The following JMJD6 variants were observed in gnomAD, a reference collection of about 807,000 sequenced individuals.
JMJD6 encodes the protein bifunctional arginine demethylase and lysyl-hydroxylase JMJD6.
JMJD6 carries 17 observed loss-of-function variants against 45.8 expected under a neutral mutation model. That is an observed-to-expected ratio of 0.37 (90% CI 0.25 to 0.56). JMJD6 has a LOEUF of 0.56. JMJD6 is among the 20% of genes least tolerant of loss of function. JMJD6 has a pLI of 0.79. For missense variants in JMJD6, 470 were observed against 517.5 expected (o/e 0.91, Z 0.89); for synonymous variants, 221 against 196.3 (o/e 1.13, Z -1.05).
Position 76,718,521 on chromosome 17 carries a change from G to C in JMJD6, c.*208C>G. 7.3e-7 allele frequency: 1 copy of C among 1,368,646 alleles called. No homozygotes were observed. The highest frequency in any genetic ancestry group is 9.4e-7 in the Non-Finnish European group (1 of 1,064,152). 84.8% of individuals were successfully genotyped at this position (1,368,646 alleles called of 1,614,324 possible). Reference sequence around the variant, plus strand: ...TGGCACTATTCACATTCTCTTGCCTGAGTAAAACAAGCCGCGTTTATCTGC... The same window carrying C: ...TGGCACTATTCACATTCTCTTGCCTCAGTAAAACAAGCCGCGTTTATCTGC... On this transcript the variant is annotated 3_prime_UTR_variant, in exon 6 of 6. Coordinates refer to ENST00000397625, the MANE Select transcript of JMJD6 (RefSeq NM_015167.3).
Position 76,725,501 on chromosome 17 carries a change from G to A in JMJD6, c.484C>T (p.Gln162Ter). ...GGCCTGCGCTTCTCCCCAGCATACT[G>A]GAAAAGGTCATCAGTGAAAAACTTT... ...VPKFFTDDLFQYAGEKRRPPY... is the reference protein window; with the variant it reads ...VPKFFTDDLF Residue 162 changes from glutamine (Q) to a stop codon, truncating the protein, a stop_gained, in exon 2 of 6, where the codon CAG becomes TAG. Transcript: ENST00000397625. LOFTEE classifies it high-confidence loss of function. The A allele has an allele frequency of 6.2e-7, 1 of 1,613,710 alleles. No homozygotes were observed. The highest frequency in any genetic ancestry group is 8.5e-7 in the Non-Finnish European group (1 of 1,179,952).
At position 76,724,031 on chromosome 17, in the gene JMJD6, G is replaced by A. The variant is rs748941437; in HGVS notation, c.546C>T (p.Ser182=). ...GAGGGTCGATGTGAATCCCAGTTCC[G>A]GAGCGTGGTGGCCCCATCACAAACC... ...YRWFVMGPPR[S]GTGIHIDPLG... The change falls in exon 3 of 6, where the codon TCC becomes TCT. Residue 182 remains serine, a synonymous_variant. Transcript: ENST00000397625. The A allele has an allele frequency of 8.1e-6, 13 of 1,613,962 alleles. No individual in the cohort carries two copies. Among genetic ancestry groups the A allele is most frequent in the South Asian group, 3.3e-5 (3 of 91,084 alleles).
At chr17:76,725,354 C>T (rs2076898346) in intron 2 of JMJD6, 113 bp downstream of exon 2, 2 of 1,032,940 alleles carry the variant, frequency 1.9e-6, no homozygotes, top group East Asian at 2.7e-5. Context: ...TGCTGTGAGC[C>T]GAGATCGCAC....
intron 2 of JMJD6, among the ~76,000 whole-genome samples, chr17:76,725,157 G>C (rs1288649292): frequency 3.3e-5 from 5 of 152,064 alleles, no homozygotes; most frequent in Non-Finnish European, 7.4e-5. Flanking sequence ...ACCTGCAATC[G>C]CAGCACTTTG....
rs1359640516 is a variant in JMJD6, at chr17:76,720,645, C to G, written c.942-147G>C. 9 of 702,688 alleles carry G rather than the reference C, an allele frequency of 1.3e-5. No homozygotes were observed. The South Asian group carries it at 1.5e-4, about 12-fold the overall frequency. The allele number at this position is 702,688 out of a possible 1,614,324, so 43.5% of individuals were successfully genotyped here. ...AATGGATACTGTACAATGGTGAGGACAAAACCCCAGGCTGGGAACAAGAGA... is the reference window on the plus strand; with the variant it reads ...AATGGATACTGTACAATGGTGAGGAGAAAACCCCAGGCTGGGAACAAGAGA... On this transcript the variant is annotated intron_variant, in intron 4 of 5. Coordinates refer to ENST00000397625, the MANE Select transcript of JMJD6 (RefSeq NM_015167.3).
Position 76,723,895 on chromosome 17 carries a change from G to A in JMJD6, c.682C>T (p.Gln228Ter). 6.2e-7 allele frequency: 1 copy of A among 1,614,066 alleles called. No homozygotes were observed. The highest frequency in any genetic ancestry group is 8.5e-7 in the Non-Finnish European group (1 of 1,180,020). Residue 228 changes from glutamine to a stop codon, truncating the protein, a stop_gained, in exon 3 of 6, where the codon CAG becomes TAG. Transcript: ENST00000397625. LOFTEE classifies it high-confidence loss of function. ...AACCAGGTAATAGCTTCGTCTTGCT[G>A]GTTCCCTCCTTCGTCTCGGGTCACT... The part of the protein sequence containing the change: ...IKVTRDEGGN[Q>*]QDEAITWFNV...
downstream of JMJD6, chr17:76,714,681 A>G (rs1442037223): frequency 6.6e-6 from 1 of 152,296 alleles, no homozygotes; most frequent in Admixed American, 6.5e-5. Context: ...TGTACTATCC[A>G]GACACTGTAC....
chr17:76,716,805 G>T, downstream of JMJD6: 2 of 1,390,696 alleles, frequency 1.4e-6, no homozygotes, highest in South Asian at 1.2e-5. Context: ...TTAAAAGCAG[G>T]ACCCCCGGGA....
downstream of JMJD6, chr17:76,716,595 G>A (rs918849224): frequency 7.7e-6 from 9 of 1,168,752 alleles, no homozygotes; most frequent in East Asian, 2.4e-5. Flanking sequence ...GAAGACAGAG[G>A]AGAAGGTAGG....
intron 3 of JMJD6, 127 bp from the exon 4 acceptor site, chr17:76,722,060 G>T: frequency 1.0e-6 from 1 of 998,352 alleles, no homozygotes; most frequent in Non-Finnish European, 1.5e-6. Flanking sequence ...ATACAGGGTA[G>T]TTCCTTCTGA....
At chr17:76,723,557 C>T (rs2076856025) in intron 3 of JMJD6, among the ~76,000 whole-genome samples, 2 of 151,866 alleles carry the variant, frequency 1.3e-5, no homozygotes, top group Non-Finnish European at 2.9e-5. Flanking sequence ...TCTCCTGCCT[C>T]AGCCTCCCGA....
In JMJD6 at chr17:76,725,128, G is replaced by A. The variant is rs12165027; in HGVS notation, c.518+339C>T. 1.5e-3 allele frequency among the ~76,000 whole-genome samples: 225 copies of A among 152,266 alleles called. 2 individuals are homozygous for A. The highest frequency in any genetic ancestry group is 5.2e-3 in the African/African-American group (215 of 41,546). ...GTTGTAGATAAGATTTTAACCACAG[G>A]CCGGGCGCGGTGGCTCACACCTGCA... On this transcript the variant is annotated intron_variant, in intron 2 of 5. Coordinates refer to ENST00000397625, the MANE Select transcript of JMJD6 (RefSeq NM_015167.3).
At position 76,725,628 on chromosome 17, in the gene JMJD6, C is replaced by T. The variant is rs2076908576; in HGVS notation, c.357G>A (p.Glu119=). ...SVKMKMKYYI[E]YMESTRDDSP... ...TATCATCTCGAGTGCTCTCCATGTA[C>T]TCGATGTAGTATTTCATCTTCATCT... The change falls in exon 2 of 6, where the codon GAG becomes GAA. Residue 119 remains glutamate (E), a synonymous_variant. Transcript: ENST00000397625. The T allele has an allele frequency of 1.3e-5, 21 of 1,614,030 alleles. No homozygotes were observed. Among genetic ancestry groups the T allele is most frequent in the Non-Finnish European group, 1.8e-5 (21 of 1,180,012 alleles).
In JMJD6 at chr17:76,725,790, T is replaced by A. The variant is rs959648132; in HGVS notation, c.195A>T (p.Arg65Ser). 7 of 1,613,144 alleles carry A rather than the reference T, an allele frequency of 4.3e-6. No homozygotes were observed. The African/African-American group carries it at 9.4e-5, about 22-fold the overall frequency. The change falls in exon 2 of 6, where the codon AGA becomes AGT. Residue 65 changes from arginine to serine, a missense_variant. Physicochemically the swap from Arg to Ser is moderately radical, Grantham distance 110. Around this residue, in one of 4 missense-constraint regions of JMJD6, gnomAD observed 346 missense variants for 339.5 expected, o/e 1.02. Coordinates refer to ENST00000397625, the MANE Select transcript of JMJD6 (RefSeq NM_015167.3). Reference protein sequence around the residue: ...SVEEFVERYERPYKPVVLLNA... With the variant: ...SVEEFVERYESPYKPVVLLNA... ...TCAACAAAACCACGGGCTTGTAAGGTCTTTCATACCGCTCCACAAATTCTT... is the reference window on the plus strand; with the variant it reads ...TCAACAAAACCACGGGCTTGTAAGGACTTTCATACCGCTCCACAAATTCTT...
chr17:76,720,995 T>TC (rs1028776348), intron 4 of JMJD6, among the ~76,000 whole-genome samples: 2 of 152,032 alleles, frequency 1.3e-5, no homozygotes, highest in Admixed American at 6.6e-5. Context: ...ACAGAGATGG[T>TC]CCCCCCTCAC....
At chr17:76,715,221 A>G (rs1380580914), downstream of JMJD6, 1 of 152,250 alleles carries the variant, frequency 6.6e-6, no homozygotes, top group Admixed American at 6.5e-5. Context: ...CACCACTCAG[A>G]TATTACTACC....
intron 3 of JMJD6, among the ~76,000 whole-genome samples, chr17:76,722,711 C>T (rs1433446334): frequency 1.3e-5 from 2 of 151,286 alleles, no homozygotes; most frequent in African/African-American, 2.4e-5. Context: ...CTGGGTGTGG[C>T]GGCATGTGCC....
At chr17:76,725,908 G>A in intron 1 of JMJD6, 53 bp from the exon 2 acceptor site, 2 of 1,479,426 alleles carry the variant, frequency 1.4e-6, no homozygotes, top group East Asian at 2.3e-5. Context: ...AAAGTCCAGT[G>A]GCAGATAAGG....
intron 4 of JMJD6, 73 bp downstream of exon 4, chr17:76,721,725 G>A: frequency 6.8e-6 from 10 of 1,480,032 alleles, no homozygotes; most frequent in Non-Finnish European, 9.4e-6. Context: ...CATCATCGCA[G>A]CAGTGGACTA....
Sources: allele counts gnomAD v4.1 joint callset (sites outside exome capture counted in the v4.1 genomes callset), GRCh38; gene constraint gnomAD v4.1.1; regional missense constraint gnomAD v4.1.1; transcripts MANE v1.5; gene names NCBI Gene and HGNC (gene_info 2026-07-23, HGNC 2026-07-21).